Variants in HMG20A observed in about 807,000 individuals in gnomAD.
HMG20A encodes high mobility group 20A, also known as high mobility group protein 20A.
Under a neutral mutation model 43.9 loss-of-function variants are expected in HMG20A, and 17 were observed. The ratio of observed to expected loss-of-function variants is 0.39; its 90% CI spans 0.27 to 0.58. The LOEUF is 0.58. Ranked by LOEUF, HMG20A falls within the 20% of genes least tolerant of loss-of-function variation. HMG20A has a pLI of 0.59. For synonymous variants in HMG20A, 132 were observed against 147.5 expected, an observed-to-expected ratio of 0.89 and a Z score of 0.76; for missense variants, 341 against 438.2, an observed-to-expected ratio of 0.78 and a Z score of 1.98.
chr15:77,511,655 G>A, the HMG20A span, among the ~76,000 whole-genome samples: 1 of 152,170 alleles, frequency 6.6e-6, no homozygotes, highest in Admixed American at 6.5e-5. Flanking sequence ...ATAAGAACAT[G>A]AAAAACGATC....
chr15:77,475,391 G>C (rs1424721968), intron 6 of HMG20A, among the ~76,000 whole-genome samples: 2 of 152,190 alleles, frequency 1.3e-5, no homozygotes, highest in African/African-American at 4.8e-5. Flanking sequence ...CACCTATGTG[G>C]TGCTGTCCTC....
chr15:77,494,049 T>G, the HMG20A span, among the ~76,000 whole-genome samples: 5 of 152,228 alleles, frequency 3.3e-5, no homozygotes, highest in Admixed American at 3.3e-4. Context: ...GGCACTGCTC[T>G]GAAGGCAGAT....
At chr15:77,432,580 G>A (rs569596759) in intron 1 of HMG20A, among the ~76,000 whole-genome samples, 78 of 152,076 alleles carry the variant, frequency 5.1e-4, no homozygotes, top group African/African-American at 1.8e-3. Context: ...AAATTAGCTG[G>A]GCGTAGTGGC....
At position 77,479,294 on chromosome 15, in the gene HMG20A, T is replaced by C. The variant is rs1020358129; in HGVS notation, c.1023T>C (p.Val341=). The change falls in exon 9 of 10, where the codon GTT becomes GTC. Residue 341 remains valine (V), a synonymous_variant. Coordinates refer to ENST00000336216, the MANE Select transcript of HMG20A (RefSeq NM_001304504.2). ...NENFIATVRE[V]VNRLDR is the part of the protein sequence containing the mutation. ...ACTTCATAGCTACAGTTCGAGAAGT[T>C]GTGAACAGACTCGATCGTTAGGGAA... is the stretch of plus-strand genomic sequence containing the variant. 2 of 1,614,008 alleles carry C rather than the reference T, an allele frequency of 1.2e-6. No individual in the cohort carries two copies. Among genetic ancestry groups the C allele is most frequent in the Non-Finnish European group, 1.7e-6 (2 of 1,180,006 alleles).
the HMG20A span, among the ~76,000 whole-genome samples, chr15:77,506,128 T>C: frequency 5.3e-5 from 8 of 151,226 alleles, no homozygotes; most frequent in Non-Finnish European, 1.2e-4. Flanking sequence ...CCAGTTAAAT[T>C]TGAATTTCAG....
At chr15:77,429,596 C>T (rs2073463222) in intron 1 of HMG20A, among the ~76,000 whole-genome samples, 1 of 152,136 alleles carries the variant, frequency 6.6e-6, no homozygotes, top group African/African-American at 2.4e-5. Context: ...AATAATTCCA[C>T]ATATAGAACT....
chr15:77,443,370 GATGATGATGATT>G (rs1268530192), intron 1 of HMG20A, among the ~76,000 whole-genome samples: 24 of 124,798 alleles, frequency 1.9e-4, no homozygotes, highest in Non-Finnish European at 3.0e-4. Flanking sequence ...TGATGATGAT[GATGATGATGATT>G]ATTATTATTA....
intron 1 of HMG20A, among the ~76,000 whole-genome samples, chr15:77,450,036 C>A (rs2073718319): frequency 1.3e-5 from 2 of 152,212 alleles, no homozygotes; most frequent in African/African-American, 4.8e-5. Context: ...GATGGATTCA[C>A]AACATATGGG....
At position 77,480,045 on chromosome 15, in the gene HMG20A, C is replaced by G. The variant is rs572579681; in HGVS notation, c.*6+724C>G. The stretch of plus-strand genomic sequence containing the variant: ...CAATGGCTCACACCTGTAAGCCTAG[C>G]AGTTTGGGAGGTCAAGGCAGGCAGA... On this transcript the variant is annotated intron_variant, in intron 9 of 9. Coordinates refer to ENST00000336216, the MANE Select transcript of HMG20A (RefSeq NM_001304504.2). 2.0e-4 allele frequency among the ~76,000 whole-genome samples: 30 copies of G among 152,240 alleles called. No individual in the cohort carries two copies. In the South Asian group the frequency reaches 4.4e-3, roughly 22 times the overall value.
rs564143759 is a variant in HMG20A at position 77,469,632 on chromosome 15, C to T, written c.451-1278C>T. The stretch of plus-strand genomic sequence containing the variant: ...GATTACAGATATGAGCCACCATGCC[C>T]GACCCCCTACCCCCATTTATTTATT... On this transcript the variant is annotated intron_variant, in intron 4 of 9. Transcript: ENST00000336216. 4.6e-5 allele frequency among the ~76,000 whole-genome samples: 7 copies of T among 152,098 alleles called. No individual in the cohort carries two copies. The East Asian group carries it at 1.2e-3, about 25-fold the overall frequency.
intron 2 of HMG20A, among the ~76,000 whole-genome samples, chr15:77,461,945 A>C (rs919364686): frequency 6.6e-6 from 1 of 152,214 alleles, no homozygotes; most frequent in Admixed American, 6.5e-5. Flanking sequence ...TTTCAGAGAA[A>C]ATGATTGGCA....
chr15:77,457,389 T>C (rs906086546), intron 1 of HMG20A, among the ~76,000 whole-genome samples: 11 of 152,122 alleles, frequency 7.2e-5, no homozygotes, highest in African/African-American at 2.4e-4. Context: ...ATTCTCCCAA[T>C]TGATTGAGGC....
At chr15:77,493,491 T>C in the HMG20A span, among the ~76,000 whole-genome samples, 1 of 152,172 alleles carries the variant, frequency 6.6e-6, no homozygotes, top group African/African-American at 2.4e-5. Flanking sequence ...GATAGTCTCC[T>C]CAGTGCAGGG....
At chr15:77,504,360 A>G in the HMG20A span, among the ~76,000 whole-genome samples, 1 of 152,232 alleles carries the variant, frequency 6.6e-6, no homozygotes, top group South Asian at 2.1e-4. Flanking sequence ...AAGGAGACAG[A>G]GTACCAAGCT....
intron 1 of HMG20A, among the ~76,000 whole-genome samples, chr15:77,443,617 C>T (rs1367467997): frequency 6.6e-6 from 1 of 151,740 alleles, no homozygotes; most frequent in Non-Finnish European, 1.5e-5. Context: ...GTCTTGAACT[C>T]CTGACCTCAA....
rs2072926124 is a variant in HMG20A, at chr15:77,483,929, A to G, written c.*966A>G. ...GATTCATAGATCTAGATAGGTGGAA[A>G]TATCATTCAAAATAGTCACTTGAGC... On this transcript the variant is annotated 3_prime_UTR_variant, in exon 10 of 10. Coordinates refer to ENST00000336216, the MANE Select transcript of HMG20A (RefSeq NM_001304504.2). 6.6e-6 allele frequency: 1 copy of G among 152,218 alleles called. No individual in the cohort carries two copies. The highest frequency in any genetic ancestry group is 6.5e-5 in the Admixed American group (1 of 15,286). The allele number at this position is 152,218 out of a possible 1,614,324, so 9.4% of individuals were successfully genotyped here.
chr15:77,442,490 GT>G (rs2073623311), intron 1 of HMG20A, among the ~76,000 whole-genome samples: 1 of 152,150 alleles, frequency 6.6e-6, no homozygotes, highest in Non-Finnish European at 1.5e-5. Context: ...TAATTCTTGT[GT>G]TAAAATAAAT....
At chr15:77,513,856 G>T in the HMG20A span, among the ~76,000 whole-genome samples, 1 of 151,954 alleles carries the variant, frequency 6.6e-6, no homozygotes, top group Non-Finnish European at 1.5e-5. Context: ...CTCCCAAGTA[G>T]CTGGGACTAC....
intron 1 of HMG20A, among the ~76,000 whole-genome samples, chr15:77,452,041 C>T (rs759282226): frequency 2.1e-4 from 32 of 152,140 alleles, no homozygotes; most frequent in Non-Finnish European, 3.5e-4. Flanking sequence ...TATTGAGTGT[C>T]CCCCAGTTTC....
Sources: gnomAD v4.1 joint callset for allele counts (sites outside exome capture counted in the v4.1 genomes callset) on GRCh38, gnomAD v4.1.1 for gene constraint, MANE v1.5 for transcripts, NCBI Gene and HGNC (gene_info 2026-07-23, HGNC 2026-07-21) for gene names.